Variants in MACROH2A1 observed in about 807,000 individuals in gnomAD.
MACROH2A1 encodes core histone macro-H2A.1.
Under a neutral mutation model 31.6 loss-of-function variants are expected in MACROH2A1, and 2 were observed. The observed-to-expected ratio is 0.06, with a 90% CI of 0.03 to 0.20. The LOEUF is 0.20. MACROH2A1 is among the 10% of genes least tolerant of loss of function. MACROH2A1 has a pLI of 1.00. For missense variants in MACROH2A1, 230 were observed against 474.0 expected (o/e 0.49, Z 4.78); for synonymous variants, 169 against 189.6 (o/e 0.89, Z 0.89).
At chr5:135,392,832 C>T (rs1280018340) in intron 1 of MACROH2A1, among the ~76,000 whole-genome samples, 1 of 152,186 alleles carries the variant, frequency 6.6e-6, no homozygotes, top group East Asian at 1.9e-4. Flanking sequence ...TGATTTAACC[C>T]CTCTGAACCT....
chr5:135,374,874 A>G (rs1488114360), intron 2 of MACROH2A1, among the ~76,000 whole-genome samples: 1 of 152,222 alleles, frequency 6.6e-6, no homozygotes, highest in Admixed American at 6.5e-5. Context: ...ACAGGAAGAA[A>G]CGGAAAAGAA....
intron 5 of MACROH2A1, chr5:135,356,496 G>C (rs1762191288): frequency 6.6e-6 from 1 of 152,264 alleles, no homozygotes; most frequent in East Asian, 1.9e-4. Context: ...TGGGCATGTA[G>C]AGTTAGAACT....
intron 1 of MACROH2A1, among the ~76,000 whole-genome samples, chr5:135,393,888 CCAAAGA>C (rs1057234229): frequency 6.6e-4 from 100 of 152,232 alleles, no homozygotes; most frequent in African/African-American, 2.2e-3. Flanking sequence ...CAAAGCTTAC[CCAAAGA>C]CAAACTTTTA....
At chr5:135,375,096 A>T (rs1764682139) in intron 2 of MACROH2A1, among the ~76,000 whole-genome samples, 1 of 152,234 alleles carries the variant, frequency 6.6e-6, no homozygotes. Flanking sequence ...AATGGTGAGC[A>T]AACTGGCCAG....
chr5:135,354,941 C>T (rs964846858), intron 5 of MACROH2A1: 6 of 391,114 alleles, frequency 1.5e-5, no homozygotes, highest in Non-Finnish European at 3.0e-5. Context: ...ACTCGATCTA[C>T]TCAGTGTAAT....
chr5:135,345,723 G>T (rs995650524), intron 7 of MACROH2A1: 4 of 442,744 alleles, frequency 9.0e-6, no homozygotes, highest in Non-Finnish European at 1.2e-5. Flanking sequence ...CTTAAAATTT[G>T]TGATCTAGAC....
chr5:135,358,701 T>C, intron 5 of MACROH2A1: 1 of 933,108 alleles, frequency 1.1e-6, no homozygotes. Flanking sequence ...TAACATTAAA[T>C]GATATGTTTG....
intron 8 of MACROH2A1, among the ~76,000 whole-genome samples, chr5:135,336,040 T>C (rs1758597296): frequency 6.6e-6 from 1 of 152,202 alleles, no homozygotes; most frequent in Non-Finnish European, 1.5e-5. Flanking sequence ...GGTAGGCTCT[T>C]TGTTCATTGG....
intron 1 of MACROH2A1, among the ~76,000 whole-genome samples, chr5:135,397,643 T>C (rs1768201648): frequency 6.6e-6 from 1 of 152,218 alleles, no homozygotes; most frequent in Non-Finnish European, 1.5e-5. Context: ...GAAAACATAC[T>C]CATCCTCATC....
At position 135,339,208 on chromosome 5, in the gene MACROH2A1, C is replaced by T. The variant is rs17168161; in HGVS notation, c.953+4052G>A. On this transcript the variant is annotated intron_variant, in intron 8 of 8. Transcript: ENST00000511689. ...TGTGTCTGTAATGCCCTTTGCCTTT[C>T]CCAAGAGTCCTGGACCTCAGTTTCC... 2.4e-3 allele frequency among the ~76,000 whole-genome samples: 370 copies of T among 152,334 alleles called. 1 individual carries two copies. The highest frequency in any genetic ancestry group is 8.4e-3 in the African/African-American group (348 of 41,576).
chr5:135,368,826 A>G (rs1400401814), intron 4 of MACROH2A1, among the ~76,000 whole-genome samples: 1 of 152,196 alleles, frequency 6.6e-6, no homozygotes, highest in Admixed American at 6.5e-5. Context: ...CCAAGATGAC[A>G]TTAGATAACA....
intron 1 of MACROH2A1, among the ~76,000 whole-genome samples, chr5:135,391,458 G>C (rs905877123): frequency 1.3e-5 from 2 of 152,212 alleles, no homozygotes; most frequent in Non-Finnish European, 2.9e-5. Context: ...TTAGCACTCA[G>C]AGACCTGGCA....
chr5:135,366,917 T>C (rs2149831381), intron 4 of MACROH2A1, among the ~76,000 whole-genome samples: 1 of 152,300 alleles, frequency 6.6e-6, no homozygotes, highest in Non-Finnish European at 1.5e-5. Flanking sequence ...GGAGCCCTAG[T>C]GTACAGTCAG....
chr5:135,368,355 T>G (rs1350641887), intron 4 of MACROH2A1, among the ~76,000 whole-genome samples: 1 of 152,200 alleles, frequency 6.6e-6, no homozygotes, highest in Non-Finnish European at 1.5e-5. Context: ...CCTGGGAAGG[T>G]GTCCTCACTG....
intron 6 of MACROH2A1, among the ~76,000 whole-genome samples, chr5:135,348,849 C>G (rs1761172154): frequency 6.6e-6 from 1 of 152,182 alleles, no homozygotes; most frequent in Non-Finnish European, 1.5e-5. Context: ...GTGCCAGGGT[C>G]CTGGGCCCAG....
At chr5:135,337,208 G>A (rs142897398) in intron 8 of MACROH2A1, among the ~76,000 whole-genome samples, 3 of 152,268 alleles carry the variant, frequency 2.0e-5, no homozygotes, top group Non-Finnish European at 4.4e-5. Flanking sequence ...TTGTCAGGTG[G>A]CCCGATGTTC....
At chr5:135,393,682 GC>G (rs1767563797) in intron 1 of MACROH2A1, among the ~76,000 whole-genome samples, 1 of 152,210 alleles carries the variant, frequency 6.6e-6, no homozygotes, top group Non-Finnish European at 1.5e-5. Flanking sequence ...GGCTCTGCAT[GC>G]TTTGAAAACA....
intron 2 of MACROH2A1, among the ~76,000 whole-genome samples, chr5:135,387,503 C>G (rs1766578225): frequency 6.6e-6 from 1 of 152,110 alleles, no homozygotes; most frequent in Non-Finnish European, 1.5e-5. Context: ...GGGAGAGGTA[C>G]CCTGTCTTAC....
chr5:135,354,308 A>G (rs888919681), intron 5 of MACROH2A1: 1 of 152,272 alleles, frequency 6.6e-6, no homozygotes, highest in Non-Finnish European at 1.5e-5. Context: ...AGTATCGGAA[A>G]TATAAACCCA....
Sources: allele counts gnomAD v4.1 joint callset (sites outside exome capture counted in the v4.1 genomes callset), GRCh38; gene constraint gnomAD v4.1.1; transcripts MANE v1.5; gene names NCBI Gene and HGNC (gene_info 2026-07-23, HGNC 2026-07-21).